Variants in HEATR3 observed in about 807,000 individuals in gnomAD.
HEATR3 encodes the protein HEAT repeat containing 3, also known as HEAT repeat-containing protein 3.
In HEATR3, 56 loss-of-function variants were observed where a neutral mutation model predicts 72.8. That is an observed-to-expected ratio of 0.77 (90% confidence interval 0.62 to 0.96). The LOEUF (loss-of-function observed/expected upper bound fraction) is 0.96, where lower values mean the gene tolerates loss of function less well. Among genes scored for constraint, HEATR3 ranks in the 40% least tolerant of loss-of-function variants. The pLI, the probability that HEATR3 is intolerant of heterozygous loss-of-function variation, is 0.00. For missense variants in HEATR3, 747 were observed against 831.4 expected, an observed-to-expected ratio of 0.90 and a Z score of 1.25; for synonymous variants, 331 against 318.1, an observed-to-expected ratio of 1.04 and a Z score of -0.43.
Position 50,084,136 on chromosome 16 carries a change from C to G in HEATR3, c.1135C>G (p.Pro379Ala), listed in dbSNP as rs747670613. 41 of 1,613,994 alleles carry G rather than the reference C, an allele frequency of 2.5e-5. No individual in the cohort carries two copies. The highest frequency in any genetic ancestry group is 3.4e-5 in the Non-Finnish European group (40 of 1,180,028). ...IIVNMCCNEDPSDDEWEELSS... is the reference protein window; with the variant it reads ...IIVNMCCNEDASDDEWEELSS... ...TGCGTGGTTTGCCCGCTTCCCAGAT[C>G]CCTCTGATGACGAATGGGAAGAGCT... The change falls in exon 9 of 15, where the codon CCC becomes GCC. Residue 379 changes from proline (P) to alanine (A), a missense_variant and splice_region_variant. Physicochemically the swap from Pro to Ala is conservative, Grantham distance 27. This residue lies in a region of HEATR3 where 586 missense variants were observed against 708.8 expected (regional missense o/e 0.83). Coordinates refer to ENST00000299192, the MANE Select transcript of HEATR3 (RefSeq NM_182922.4).
chr16:50,086,207 C>G lies in HEATR3; in HGVS notation c.1374-8C>G. ...GAATCAGATGGCATTGTTTCACTTC[C>G]TTTCCAGAATGAACACTATTCAGTG... On this transcript the variant is annotated splice_region_variant and splice_polypyrimidine_tract_variant and intron_variant, in intron 10 of 14. Transcript: ENST00000299192. 6.4e-7 allele frequency: 1 copy of G among 1,567,454 alleles called. No individual in the cohort carries two copies. Among genetic ancestry groups the G allele is most frequent in the East Asian group, 2.3e-5 (1 of 43,862 alleles).
At chr16:50,095,405 CT>C (rs60357183) in intron 12 of HEATR3, among the ~76,000 whole-genome samples, 133 of 136,116 alleles carry the variant, frequency 9.8e-4, no homozygotes, top group Admixed American at 3.6e-3. Flanking sequence ...CCGTACCCAG[CT>C]TTTTTTTTTT....
Position 50,066,292 on chromosome 16 carries a change from C to T in HEATR3, c.138+23C>T, listed in dbSNP as rs748653871. 1.1e-5 allele frequency: 17 copies of T among 1,576,324 alleles called. No homozygotes were observed. The African/African-American group carries it at 1.1e-4, about 10-fold the overall frequency. ...AAGGTGAGGCGAGGGCTCCGTCGGG[C>T]CGGGAGGCGAGACGAGGTTGCCCCG... On this transcript the variant is annotated intron_variant, in intron 1 of 14. Transcript: ENST00000299192.
intron 2 of HEATR3, among the ~76,000 whole-genome samples, chr16:50,068,554 C>G (rs2036547044): frequency 6.6e-6 from 1 of 152,178 alleles, no homozygotes; most frequent in Non-Finnish European, 1.5e-5. Flanking sequence ...TATACTGTTT[C>G]AGACCTCAGA....
chr16:50,105,963 G>A lies in HEATR3; in HGVS notation c.*902G>A, dbSNP rs559244858. ...ATATTTTAATCACTGGAAACTCAAAGAGTGGAAGAGTGGAAGTGCGAAGGA... is the reference window on the plus strand; with the variant it reads ...ATATTTTAATCACTGGAAACTCAAAAAGTGGAAGAGTGGAAGTGCGAAGGA... On this transcript the variant is annotated 3_prime_UTR_variant, in exon 15 of 15. Transcript: ENST00000299192. 1 of 151,870 alleles carries A rather than the reference G, an allele frequency of 6.6e-6. No individual in the cohort carries two copies. Among genetic ancestry groups the A allele is most frequent in the African/African-American group, 2.4e-5 (1 of 41,554 alleles). 9.4% of individuals were successfully genotyped at this position (151,870 alleles called of 1,614,324 possible).
At chr16:50,086,079 C>T in intron 10 of HEATR3, 136 bp from the exon 11 acceptor site, 1 of 773,376 alleles carries the variant, frequency 1.3e-6, no homozygotes, top group Non-Finnish European at 2.0e-6. Context: ...CCTTGTGATT[C>T]TTTGCTAACT....
intron 12 of HEATR3, among the ~76,000 whole-genome samples, chr16:50,099,027 G>T (rs1054029723): frequency 2.0e-5 from 3 of 151,694 alleles, no homozygotes; most frequent in African/African-American, 7.3e-5. Context: ...TAGAGATGAG[G>T]TCTTGCTATG....
At chr16:50,069,569 G>C (rs1041781933) in intron 3 of HEATR3, among the ~76,000 whole-genome samples, 4 of 152,166 alleles carry the variant, frequency 2.6e-5, no homozygotes, top group Non-Finnish European at 5.9e-5. Context: ...GCATCCAGTG[G>C]GTAGAGGCCA....
In HEATR3 at chr16:50,088,547, C is replaced by T. The variant is rs114758813; in HGVS notation, c.1510+2196C>T. ...CAAGCACTGGAGTACAGAGGCAGCT[C>T]GTCAGTGTGAGCAGACCAGATGATG... On this transcript the variant is annotated intron_variant, in intron 11 of 14. Coordinates refer to ENST00000299192, the MANE Select transcript of HEATR3 (RefSeq NM_182922.4). Among the ~76,000 whole-genome samples the T allele has an allele frequency of 5.2e-3, 797 of 152,258 alleles. 7 individuals are homozygous for T. The highest frequency in any genetic ancestry group is 0.018 in the African/African-American group (750 of 41,516).
intron 6 of HEATR3, among the ~76,000 whole-genome samples, chr16:50,076,762 C>T (rs887266489): frequency 1.3e-5 from 2 of 149,964 alleles, no homozygotes; most frequent in African/African-American, 2.5e-5. Context: ...CGCAGTGGTG[C>T]GAGCTCAGCT....
chr16:50,100,058 CTCTG>C (rs2037332000), intron 12 of HEATR3, among the ~76,000 whole-genome samples, 168 bp from the exon 13 acceptor site: 2 of 150,724 alleles, frequency 1.3e-5, no homozygotes, highest in Non-Finnish European at 2.9e-5. Context: ...GAATTACCAG[CTCTG>C]TCTGGGAGAA....
chr16:50,102,074 T>C (rs1220620427), intron 13 of HEATR3, among the ~76,000 whole-genome samples, 185 bp from the exon 14 acceptor site: 2 of 152,234 alleles, frequency 1.3e-5, no homozygotes, highest in Non-Finnish European at 2.9e-5. Flanking sequence ...TAAACTATAA[T>C]ATGTTTAATT....
At chr16:50,085,277 A>ATT (rs2036964534) in intron 10 of HEATR3, among the ~76,000 whole-genome samples, 1 of 152,102 alleles carries the variant, frequency 6.6e-6, no homozygotes, top group Non-Finnish European at 1.5e-5. Context: ...ACTGTTTGTT[A>ATT]AACTCTCTAT....
At position 50,084,661 on chromosome 16, in the gene HEATR3, CT is replaced by C. The variant is rs2036948909; in HGVS notation, c.1373+12del. On this transcript the variant is annotated intron_variant, in intron 10 of 14. Coordinates refer to ENST00000299192, the MANE Select transcript of HEATR3 (RefSeq NM_182922.4). ...AACCTTTGATTAGAAAGTAAGAACT[CT>C]TCTGCTTTCAAAAACATTTGTCATT... 4 of 1,552,194 alleles carry C rather than the reference CT, an allele frequency of 2.6e-6. No individual in the cohort carries two copies. Among genetic ancestry groups the C allele is most frequent in the Non-Finnish European group, 3.5e-6 (4 of 1,128,822 alleles).
intron 7 of HEATR3, chr16:50,080,176 C>G (rs183794415): frequency 8.0e-4 from 121 of 152,148 alleles, no homozygotes; most frequent in African/African-American, 2.8e-3. Context: ...TACCTGTGTT[C>G]GTGATGTCTC....
intron 11 of HEATR3, among the ~76,000 whole-genome samples, chr16:50,092,097 G>A (rs1346783931): frequency 6.6e-6 from 1 of 152,070 alleles, no homozygotes; most frequent in Non-Finnish European, 1.5e-5. Flanking sequence ...AGCACTTTGG[G>A]ATGCTGAGGC....
chr16:50,102,051 T>A (rs1025490566), intron 13 of HEATR3, among the ~76,000 whole-genome samples: 3 of 127,252 alleles, frequency 2.4e-5, no homozygotes, highest in African/African-American at 8.7e-5. Flanking sequence ...TTAATTCACT[T>A]TATTTATGAA....
intron 11 of HEATR3, among the ~76,000 whole-genome samples, chr16:50,088,074 C>A (rs1190309038): frequency 6.6e-6 from 1 of 152,130 alleles, no homozygotes; most frequent in Non-Finnish European, 1.5e-5. Flanking sequence ...TTGTGGTGAG[C>A]CAAGATCGCG....
intron 5 of HEATR3, chr16:50,074,217 C>T (rs1050612431): frequency 8.5e-5 from 13 of 152,214 alleles, no homozygotes; most frequent in Admixed American, 2.6e-4. Flanking sequence ...TCTTAAAGAG[C>T]TATTGCTCTG....
Sources: allele counts gnomAD v4.1 joint callset (sites outside exome capture counted in the v4.1 genomes callset), GRCh38; gene constraint gnomAD v4.1.1; regional missense constraint gnomAD v4.1.1; transcripts MANE v1.5; gene names NCBI Gene and HGNC (gene_info 2026-07-23, HGNC 2026-07-21).